NCOA6: variants seen among roughly 807,000 people sequenced by gnomAD.
NCOA6 encodes nuclear receptor coactivator 6.
NCOA6 carries 49 observed loss-of-function variants against 171.4 expected under a neutral mutation model. The observed-to-expected ratio is 0.29, with a 90% CI of 0.23 to 0.36. The LOEUF is 0.36. NCOA6 is among the 10% of genes least tolerant of loss of function. The probability of loss-of-function intolerance (pLI) is 1.00; values close to 1 mark genes in which losing one functional copy is unlikely to be tolerated. For missense variants in NCOA6, 2,248 were observed against 2,554.5 expected, an observed-to-expected ratio of 0.88 and a Z score of 2.59; for synonymous variants, 910 against 927.5, an observed-to-expected ratio of 0.98 and a Z score of 0.34.
intron 4 of NCOA6, among the ~76,000 whole-genome samples, chr20:34,770,632 C>T (rs1367557651): frequency 6.6e-6 from 1 of 151,608 alleles, no homozygotes; most frequent in Non-Finnish European, 1.5e-5. Flanking sequence ...AAAGGCCAAA[C>T]TTCTTTTTTT....
chr20:34,747,759 G>T (rs1406906769), intron 9 of NCOA6, among the ~76,000 whole-genome samples: 2 of 152,120 alleles, frequency 1.3e-5, no homozygotes, highest in African/African-American at 4.8e-5. Context: ...CCAGCAAATG[G>T]AAATTTAGAA....
chr20:34,716,959 A>G (rs373672604), intron 14 of NCOA6, among the ~76,000 whole-genome samples: 5 of 152,214 alleles, frequency 3.3e-5, no homozygotes, highest in African/African-American at 1.2e-4. Flanking sequence ...TGCTTCTAAT[A>G]TATCAATACA....
At chr20:34,782,043 G>T in intron 3 of NCOA6, 78 bp downstream of exon 3, 2 of 1,047,524 alleles carry the variant, frequency 1.9e-6, no homozygotes, top group Non-Finnish European at 2.7e-6. Flanking sequence ...AGCTTGTTTT[G>T]TAAAACTCAA....
chr20:34,821,907 C>T (rs2146790810), intron 1 of NCOA6, among the ~76,000 whole-genome samples: 1 of 152,266 alleles, frequency 6.6e-6, no homozygotes, highest in Admixed American at 6.5e-5. Flanking sequence ...TTTTTTAAAC[C>T]TCTTTGACAG....
chr20:34,749,972 G>A lies in NCOA6; in HGVS notation c.2223C>T (p.Ala741=). Residue 741 remains alanine, a synonymous_variant, in exon 9 of 15, where the codon GCC becomes GCT. Coordinates refer to ENST00000359003, the MANE Select transcript of NCOA6 (RefSeq NM_014071.5). ...TTGGAGTTGGTCCCCTCATTATCTG[G>A]GCTGGTCCCGGCATGACATTGGACT... ...QNQSNVMPGP[A]QIMRGPTPNM... is the part of the protein sequence containing the mutation. 1 of 1,614,172 alleles carries A rather than the reference G, an allele frequency of 6.2e-7. No homozygotes were observed. Among genetic ancestry groups the A allele is most frequent in the Non-Finnish European group, 8.5e-7 (1 of 1,180,024 alleles).
chr20:34,773,963 A>C lies in NCOA6; in HGVS notation c.391+2330T>G, dbSNP rs563266087. On this transcript the variant is annotated intron_variant, in intron 4 of 14. Transcript: ENST00000359003. ...GGACACACATGTAGCCTAAAAGTTAAAGAACTCTTTCTGTATTGTGATAAT... is the reference window on the plus strand; with the variant it reads ...GGACACACATGTAGCCTAAAAGTTACAGAACTCTTTCTGTATTGTGATAAT... Among the ~76,000 whole-genome samples, 7 of 152,352 alleles carry C rather than the reference A, an allele frequency of 4.6e-5. No homozygotes were observed. The South Asian group carries it at 1.5e-3, about 32-fold the overall frequency.
intron 4 of NCOA6, among the ~76,000 whole-genome samples, chr20:34,775,689 A>G (rs5004190): frequency 0.44 from 45,351 of 103,404 alleles, 7,865 homozygotes; most frequent in Non-Finnish European, 0.47. Context: ...AAAAAAAAAA[A>G]AAAGAAAAAA....
Position 34,757,762 on chromosome 20 carries a change from G to A in NCOA6, c.986C>T (p.Pro329Leu), listed in dbSNP as rs1404842546. 5.6e-6 allele frequency: 9 copies of A among 1,614,072 alleles called. No individual in the cohort carries two copies. In the African/African-American group the frequency reaches 6.7e-5, roughly 12 times the overall value. Residue 329 changes from proline to leucine, a missense_variant, in exon 7 of 15, where the codon CCT becomes CTT. Pro to Leu is a moderately conservative substitution (Grantham distance 98). Transcript: ENST00000359003. ...TGTGCCCAGAGAACCCTGGGCTGGAGGAGGTTGAAGGGCTCCAGAAGGCAG... is the reference window on the plus strand; with the variant it reads ...TGTGCCCAGAGAACCCTGGGCTGGAAGAGGTTGAAGGGCTCCAGAAGGCAG... ...NQLPSGALQP[P>L]PAQGSLGTMT...
intron 8 of NCOA6, among the ~76,000 whole-genome samples, chr20:34,753,532 G>T (rs1276610552): frequency 1.3e-5 from 2 of 151,760 alleles, no homozygotes; most frequent in African/African-American, 2.4e-5. Context: ...ATGGTGGCGG[G>T]CACCTGTAAT....
chr20:34,813,465 TAA>T (rs1163906642), intron 1 of NCOA6, among the ~76,000 whole-genome samples: 18 of 129,938 alleles, frequency 1.4e-4, no homozygotes, highest in Non-Finnish European at 1.5e-4. Flanking sequence ...AACTCTGTCT[TAA>T]AAAAAAAAAA....
At chr20:34,760,458 G>A (rs986010474) in intron 5 of NCOA6, among the ~76,000 whole-genome samples, 1 of 152,196 alleles carries the variant, frequency 6.6e-6, no homozygotes, top group Non-Finnish European at 1.5e-5. Flanking sequence ...TAGCTTGAAG[G>A]GCAGATTTTG....
intron 1 of NCOA6, among the ~76,000 whole-genome samples, chr20:34,798,471 C>T (rs1035126328): frequency 6.6e-6 from 1 of 152,232 alleles, no homozygotes; most frequent in Non-Finnish European, 1.5e-5. Flanking sequence ...GAGTGAAGAA[C>T]ACAGGTGATA....
chr20:34,733,182 A>T (rs1375371384), intron 12 of NCOA6, among the ~76,000 whole-genome samples: 2 of 152,202 alleles, frequency 1.3e-5, no homozygotes, highest in African/African-American at 4.8e-5. Flanking sequence ...TCCATCAATG[A>T]GCACACTCTG....
intron 5 of NCOA6, among the ~76,000 whole-genome samples, chr20:34,764,987 T>C (rs7347519): frequency 2.0e-5 from 3 of 151,946 alleles, no homozygotes; most frequent in African/African-American, 4.8e-5. Context: ...CTGGGCATAG[T>C]GGCACCTGCC....
chr20:34,732,853 T>C, intron 12 of NCOA6: 2 of 313,504 alleles, frequency 6.4e-6, no homozygotes, highest in Non-Finnish European at 1.2e-5. Context: ...AAGTTCACCC[T>C]TCCTTGTTCA....
chr20:34,789,412 C>A (rs1356412523), intron 2 of NCOA6, among the ~76,000 whole-genome samples: 1 of 152,160 alleles, frequency 6.6e-6, no homozygotes, highest in Non-Finnish European at 1.5e-5. Flanking sequence ...ATTGTATTTA[C>A]AGGTATCTTG....
At chr20:34,803,249 C>T (rs2146495819) in intron 1 of NCOA6, among the ~76,000 whole-genome samples, 1 of 152,288 alleles carries the variant, frequency 6.6e-6, no homozygotes, top group South Asian at 2.1e-4. Context: ...GACTGCATCA[C>T]TTGAGGTCAG....
intron 1 of NCOA6, among the ~76,000 whole-genome samples, chr20:34,796,992 C>T (rs1033451152): frequency 1.3e-5 from 2 of 152,128 alleles, no homozygotes; most frequent in Non-Finnish European, 2.9e-5. Flanking sequence ...CTCTTAAACG[C>T]TTAGTATCAA....
chr20:34,721,945 C>T (rs936974307), intron 14 of NCOA6, among the ~76,000 whole-genome samples: 4 of 148,328 alleles, frequency 2.7e-5, no homozygotes, highest in African/African-American at 9.9e-5. Flanking sequence ...GTCTCAATTA[C>T]TCAGGAGGCT....
Sources: gnomAD v4.1 joint callset for allele counts (sites outside exome capture counted in the v4.1 genomes callset) on GRCh38, gnomAD v4.1.1 for gene constraint, MANE v1.5 for transcripts, NCBI Gene and HGNC (gene_info 2026-07-23, HGNC 2026-07-21) for gene names.